Variants in OSBPL11 observed in about 807,000 individuals in gnomAD.
OSBPL11 encodes the protein oxysterol binding protein like 11, also known as oxysterol-binding protein-related protein 11.
OSBPL11 carries 33 observed loss-of-function variants against 84.4 expected under a neutral mutation model. That is an observed-to-expected ratio of 0.39 (90% CI 0.30 to 0.52). The LOEUF (loss-of-function observed/expected upper bound fraction) is 0.52. OSBPL11 is among the 20% of genes least tolerant of loss of function. The pLI, the probability that OSBPL11 is intolerant of heterozygous loss-of-function variation, is 0.72. For synonymous variants in OSBPL11, 276 were observed against 310.2 expected, an observed-to-expected ratio of 0.89 and a Z score of 1.16; for missense variants, 736 against 901.1, an observed-to-expected ratio of 0.82 and a Z score of 2.35.
At chr3:125,589,342 C>CAA (rs35267505) in intron 1 of OSBPL11, among the ~76,000 whole-genome samples, 10,129 of 61,752 alleles carry the variant, frequency 0.16, 1,285 homozygotes, top group African/African-American at 0.4. Flanking sequence ...AACTCCATCT[C>CAA]AAAAAAAAAA....
rs1193652192 is a variant in OSBPL11, at chr3:125,576,376, A to G, written c.490-11T>C. 1.3e-6 allele frequency: 2 copies of G among 1,540,208 alleles called. No homozygotes were observed. Among genetic ancestry groups the G allele is most frequent in the Non-Finnish European group, 1.7e-6 (2 of 1,151,300 alleles). On this transcript the variant is annotated splice_polypyrimidine_tract_variant and intron_variant, in intron 4 of 12. Transcript: ENST00000296220. ...CAGAGGAGGATTATTCTGTTAGACA[A>G]AGAAAATCATTCCTTTTGTTTTCTT...
intron 5 of OSBPL11, among the ~76,000 whole-genome samples, chr3:125,568,117 CT>C (rs1250367172): frequency 1.3e-5 from 2 of 151,802 alleles, no homozygotes; most frequent in East Asian, 3.8e-4. Context: ...TCTAAGGCAG[CT>C]GCAATTTTTC....
At position 125,547,611 on chromosome 3, in the gene OSBPL11, G is replaced by A. The variant is rs776960822; in HGVS notation, c.1655-19C>T. The stretch of plus-strand genomic sequence containing the variant: ...AGGATACCTGAATGTGAAAACATGA[G>A]GGTGGTTAACATCTTTTTAAAGAAA... On this transcript the variant is annotated intron_variant, in intron 9 of 12. Transcript: ENST00000296220. 7 of 1,553,534 alleles carry A rather than the reference G, an allele frequency of 4.5e-6. No homozygotes were observed. The Admixed American group carries it at 7.8e-5, about 17-fold the overall frequency.
intron 10 of OSBPL11, among the ~76,000 whole-genome samples, chr3:125,546,882 G>C (rs1187034349): frequency 6.6e-6 from 1 of 150,890 alleles, no homozygotes; most frequent in East Asian, 2.0e-4. Flanking sequence ...GTGAGACTCT[G>C]TCTCAAAAAA....
chr3:125,586,125 ATG>A (rs1164911284), intron 1 of OSBPL11, among the ~76,000 whole-genome samples: 1 of 152,348 alleles, frequency 6.6e-6, no homozygotes, highest in Admixed American at 6.5e-5. Context: ...AATATTTTTA[ATG>A]TGTGTCTGTT....
chr3:125,564,455 T>C (rs1559842463), intron 6 of OSBPL11, among the ~76,000 whole-genome samples: 1 of 152,206 alleles, frequency 6.6e-6, no homozygotes, highest in Non-Finnish European at 1.5e-5. Flanking sequence ...AGACCTGTCA[T>C]CTTCTCGGTT....
intron 10 of OSBPL11, among the ~76,000 whole-genome samples, chr3:125,539,309 A>G (rs1342369969): frequency 1.1e-4 from 9 of 80,216 alleles, no homozygotes; most frequent in Non-Finnish European, 1.8e-4. Flanking sequence ...CCATATATAT[A>G]TATATATATA....
intron 9 of OSBPL11, among the ~76,000 whole-genome samples, chr3:125,551,562 A>C (rs1050868304): frequency 1.3e-5 from 2 of 152,058 alleles, no homozygotes; most frequent in Non-Finnish European, 2.9e-5. Context: ...AGAGGTCAGG[A>C]GTTTGAGACC....
intron 1 of OSBPL11, among the ~76,000 whole-genome samples, chr3:125,590,315 C>T (rs1294693405): frequency 6.6e-6 from 1 of 152,142 alleles, no homozygotes; most frequent in Non-Finnish European, 1.5e-5. Flanking sequence ...TTCAGGAGGC[C>T]GAAGTGGGTG....
chr3:125,557,453 C>T (rs2107597934), intron 8 of OSBPL11, among the ~76,000 whole-genome samples: 1 of 152,238 alleles, frequency 6.6e-6, no homozygotes, highest in East Asian at 1.9e-4. Context: ...GCAACCTCAG[C>T]TTACTGTAAC....
chr3:125,587,842 G>C (rs1327212457), intron 1 of OSBPL11, among the ~76,000 whole-genome samples: 2 of 152,210 alleles, frequency 1.3e-5, no homozygotes, highest in East Asian at 3.9e-4. Flanking sequence ...AGGACACTGA[G>C]ATGGGAGGAT....
chr3:125,539,007 CT>C (rs34588001), intron 10 of OSBPL11, among the ~76,000 whole-genome samples: 3 of 151,588 alleles, frequency 2.0e-5, no homozygotes, highest in South Asian at 2.1e-4. Flanking sequence ...ATCTATTTAA[CT>C]TTTTTTTACT....
At chr3:125,557,824 G>T (rs1331668216) in intron 8 of OSBPL11, among the ~76,000 whole-genome samples, 5 of 129,738 alleles carry the variant, frequency 3.9e-5, no homozygotes, top group Non-Finnish European at 7.7e-5. Context: ...TTGAGACAGG[G>T]TCTCGCTCCG....
intron 5 of OSBPL11, among the ~76,000 whole-genome samples, chr3:125,574,298 A>C (rs902521644): frequency 6.6e-6 from 1 of 152,094 alleles, no homozygotes; most frequent in Admixed American, 6.6e-5. Context: ...AATTTACTGA[A>C]GAATGTCCTT....
At chr3:125,577,254 G>A (rs573495830) in intron 4 of OSBPL11, among the ~76,000 whole-genome samples, 16 of 152,050 alleles carry the variant, frequency 1.1e-4, no homozygotes, top group East Asian at 1.9e-4. Context: ...ACCTAGGTAC[G>A]AAATCCTTTA....
chr3:125,571,398 C>T (rs966252386), intron 5 of OSBPL11, among the ~76,000 whole-genome samples: 1 of 152,174 alleles, frequency 6.6e-6, no homozygotes, highest in Non-Finnish European at 1.5e-5. Flanking sequence ...TTCAAGCTGG[C>T]TGCAGAAATT....
At chr3:125,548,079 A>G (rs574788514) in intron 9 of OSBPL11, among the ~76,000 whole-genome samples, 54 of 152,174 alleles carry the variant, frequency 3.5e-4, no homozygotes, top group African/African-American at 1.3e-3. Flanking sequence ...GGGTTTCACC[A>G]TGTTGGCCAG....
chr3:125,580,310 T>A (rs1376787412), intron 2 of OSBPL11, among the ~76,000 whole-genome samples: 1 of 151,600 alleles, frequency 6.6e-6, no homozygotes, highest in Non-Finnish European at 1.5e-5. Context: ...AGGTCAGGAG[T>A]TCGAGATCAG....
chr3:125,580,660 A>AT (rs371843147), intron 2 of OSBPL11, among the ~76,000 whole-genome samples: 129 of 152,190 alleles, frequency 8.5e-4, no homozygotes, highest in African/African-American at 2.9e-3. Context: ...TCAGAGACAG[A>AT]TTTTTCCCCA....
Sources: allele counts gnomAD v4.1 joint callset (sites outside exome capture counted in the v4.1 genomes callset), GRCh38; gene constraint gnomAD v4.1.1; transcripts MANE v1.5; gene names NCBI Gene and HGNC (gene_info 2026-07-23, HGNC 2026-07-21).